The following ZNF43 variants were observed in gnomAD, a reference collection of about 807,000 sequenced individuals.
ZNF43 encodes the protein zinc finger protein 43.
ZNF43 carries 44 observed loss-of-function variants against 68.4 expected under a neutral mutation model. The observed-to-expected ratio is 0.64, with a 90% CI of 0.51 to 0.83. The LOEUF is 0.83. Ranked by LOEUF, ZNF43 falls within the 40% of genes least tolerant of loss-of-function variation. The pLI, the probability that ZNF43 is intolerant of heterozygous loss-of-function variation, is 0.00. For synonymous variants in ZNF43, 308 were observed against 307.8 expected, an observed-to-expected ratio of 1.00 and a Z score of -0.01; for missense variants, 896 against 933.2, an observed-to-expected ratio of 0.96 and a Z score of 0.52.
chr19:21,846,664 A>G (rs1967975674), intron 1 of ZNF43, among the ~76,000 whole-genome samples: 1 of 152,088 alleles, frequency 6.6e-6, no homozygotes, highest in Non-Finnish European at 1.5e-5. Flanking sequence ...CCAATATTTC[A>G]CAATCTTCCC....
chr19:21,829,572 CTT>C (rs1434426796), intron 1 of ZNF43, among the ~76,000 whole-genome samples: 2 of 152,020 alleles, frequency 1.3e-5, no homozygotes, highest in African/African-American at 4.8e-5. Context: ...TAAAGACAAT[CTT>C]GAGTCAAAAG....
At position 21,807,339 on chromosome 19, in the gene ZNF43, G is replaced by T; in HGVS notation, c.*268C>A. On this transcript the variant is annotated 3_prime_UTR_variant, in exon 4 of 4. Coordinates refer to ENST00000354959, the MANE Select transcript of ZNF43 (RefSeq NM_003423.4). ...TTTTGACACTAGTTGCATCTATAAT[G>T]GTTTTATTAAGTACAGACTCTCTGA... 1 of 267,436 alleles carries T rather than the reference G, an allele frequency of 3.7e-6. No homozygotes were observed. Among genetic ancestry groups the T allele is most frequent in the Non-Finnish European group, 7.0e-6 (1 of 142,618 alleles). 16.6% of individuals were successfully genotyped at this position (267,436 alleles called of 1,614,324 possible). A position where few individuals can be genotyped will look rare whatever the true frequency, so the allele number is the denominator to read the frequency against.
intron 1 of ZNF43, 55 bp from the exon 2 acceptor site, chr19:21,819,276 G>A: frequency 1.3e-6 from 2 of 1,486,224 alleles, no homozygotes; most frequent in African/African-American, 1.4e-5. Flanking sequence ...AGTGGCCACA[G>A]GCAGAATTTA....
At chr19:21,848,464 T>C (rs1968115651) in intron 1 of ZNF43, among the ~76,000 whole-genome samples, 1 of 152,188 alleles carries the variant, frequency 6.6e-6, no homozygotes, top group Non-Finnish European at 1.5e-5. Context: ...CAATTTCTAA[T>C]GTGACATATT....
chr19:21,850,072 A>G (rs1305606180), intron 1 of ZNF43: 1 of 152,282 alleles, frequency 6.6e-6, no homozygotes, highest in Non-Finnish European at 1.5e-5. Flanking sequence ...CACAGGCAGC[A>G]GAGTCACATC....
At chr19:21,830,579 G>A (rs2038377592) in intron 1 of ZNF43, among the ~76,000 whole-genome samples, 1 of 141,724 alleles carries the variant, frequency 7.1e-6, no homozygotes, top group Non-Finnish European at 1.5e-5. Flanking sequence ...AAGTATCCCT[G>A]AAGAGACCAA....
intron 1 of ZNF43, among the ~76,000 whole-genome samples, chr19:21,829,032 C>CAAAAAAAAAAAAAAAAAAAA (rs551226809): frequency 2.6e-5 from 1 of 38,812 alleles, no homozygotes; most frequent in Admixed American, 5.2e-4. Flanking sequence ...GACTCTGTCT[C>CAAAAAAAAAAAAAAAAAAAA]AAAAAAAAAA....
rs1457608318 is a variant in ZNF43 at position 21,808,920 on chromosome 19, T to C, written c.1117A>G (p.Thr373Ala). 1.9e-6 allele frequency: 3 copies of C among 1,612,738 alleles called. No individual in the cohort carries two copies. Among genetic ancestry groups the C allele is most frequent in the South Asian group, 2.2e-5 (2 of 91,024 alleles). ...IHTAEKFYKC[T>A]ECGEAFSRSS... ...CGGCTAAAAGCTTCACCACATTCTG[T>C]ACATTTATAGAATTTCTCTGCAGTA... The change falls in exon 4 of 4, where the codon ACA becomes GCA. Residue 373 changes from threonine (T) to alanine (A), a missense_variant. Physicochemically the swap from Thr to Ala is moderately conservative, Grantham distance 58. Transcript: ENST00000354959.
chr19:21,843,277 G>T, intron 1 of ZNF43: 1 of 708,160 alleles, frequency 1.4e-6, no homozygotes, highest in Non-Finnish European at 1.7e-6. Context: ...GCCCAGGCAG[G>T]AGAGTCAAAT....
At chr19:21,843,238 G>A (rs1220182012) in intron 1 of ZNF43, 3 of 304,770 alleles carry the variant, frequency 9.8e-6, no homozygotes, top group Middle Eastern at 1.7e-3. Context: ...TGGGTCCAGC[G>A]ATATGTCACA....
intron 1 of ZNF43, among the ~76,000 whole-genome samples, chr19:21,848,186 C>T (rs1968097507): frequency 6.6e-6 from 1 of 152,112 alleles, no homozygotes; most frequent in South Asian, 2.1e-4. Flanking sequence ...CTCTGTTGCC[C>T]AGGCTGGAGT....
intron 1 of ZNF43, among the ~76,000 whole-genome samples, chr19:21,831,347 ATTTTTT>A (rs1013358211): frequency 6.7e-6 from 1 of 149,592 alleles, no homozygotes; most frequent in African/African-American, 2.5e-5. Flanking sequence ...TCAGCAGAAA[ATTTTTT>A]TTTTTTAATT....
intron 1 of ZNF43, among the ~76,000 whole-genome samples, chr19:21,844,927 T>A (rs1188246953): frequency 0.012 from 1,310 of 111,324 alleles, 18 homozygotes; most frequent in African/African-American, 0.031. Flanking sequence ...AAAAAATATA[T>A]ATATATATAT....
intron 2 of ZNF43, among the ~76,000 whole-genome samples, chr19:21,818,426 T>C (rs2037636271): frequency 6.6e-6 from 1 of 151,568 alleles, no homozygotes; most frequent in African/African-American, 2.4e-5. Context: ...TTAACAAAAA[T>C]TTCTTCTTGT....
Position 21,807,518 on chromosome 19 carries a change from G to T in ZNF43, c.*89C>A. On this transcript the variant is annotated 3_prime_UTR_variant, in exon 4 of 4. Coordinates refer to ENST00000354959, the MANE Select transcript of ZNF43 (RefSeq NM_003423.4). ...CACACTTGTAGAAGTTTACTCCAAT[G>T]TAAATTATCTTACCTACAATCAAGT... 8.1e-7 allele frequency: 1 copy of T among 1,236,008 alleles called. No homozygotes were observed. Among genetic ancestry groups the T allele is most frequent in the South Asian group, 1.9e-5 (1 of 53,814 alleles). 76.6% of individuals were successfully genotyped at this position (1,236,008 alleles called of 1,614,324 possible). A position where few individuals can be genotyped will look rare whatever the true frequency, so the allele number is the denominator to read the frequency against.
intron 1 of ZNF43, among the ~76,000 whole-genome samples, chr19:21,830,928 G>A (rs1389639881): frequency 6.6e-6 from 1 of 151,922 alleles, no homozygotes; most frequent in Non-Finnish European, 1.5e-5. Flanking sequence ...TATATCCCTG[G>A]GATGCAAGGT....
chr19:21,814,465 C>T (rs1447824046), intron 3 of ZNF43, among the ~76,000 whole-genome samples: 1 of 150,568 alleles, frequency 6.6e-6, no homozygotes, highest in East Asian at 2.0e-4. Flanking sequence ...GGCTGGAGTG[C>T]AACGGCACGA....
chr19:21,844,241 C>T (rs1464235655), intron 1 of ZNF43, among the ~76,000 whole-genome samples: 2 of 147,596 alleles, frequency 1.4e-5, no homozygotes, highest in South Asian at 2.1e-4. Flanking sequence ...CCCAGCTGCT[C>T]AGAAGGCTGA....
At chr19:21,850,872 A>G (rs554102634) in intron 1 of ZNF43, 2 of 141,570 alleles carry the variant, frequency 1.4e-5, no homozygotes, top group East Asian at 4.0e-4. Flanking sequence ...CACAATCTCC[A>G]TCTGTGGGCT....
Sources: allele counts gnomAD v4.1 joint callset (sites outside exome capture counted in the v4.1 genomes callset), GRCh38; gene constraint gnomAD v4.1.1; transcripts MANE v1.5; gene names NCBI Gene and HGNC (gene_info 2026-07-23, HGNC 2026-07-21).